The following PDE7B variants were observed in gnomAD, a reference collection of about 807,000 sequenced individuals.
PDE7B encodes phosphodiesterase 7B, also known as 3',5'-cyclic-AMP phosphodiesterase 7B.
A neutral mutation model predicts 56.2 loss-of-function variants in PDE7B; 29 were observed. That is an observed-to-expected ratio of 0.52 (90% confidence interval 0.38 to 0.70). The LOEUF is 0.70. Ranked by LOEUF, PDE7B falls within the 30% of genes least tolerant of loss-of-function variation. The probability of loss-of-function intolerance (pLI) is 0.00; values close to 1 mark genes in which losing one functional copy is unlikely to be tolerated. For missense variants in PDE7B, 490 were observed against 565.0 expected (o/e 0.87, Z 1.35); for synonymous variants, 197 against 196.9 (o/e 1.00, Z 0.00).
In PDE7B at chr6:136,194,156, A is replaced by G. The variant is rs1459921345; in HGVS notation, c.*2316A>G. On this transcript the variant is annotated 3_prime_UTR_variant, in exon 13 of 13. Coordinates refer to ENST00000308191, the MANE Select transcript of PDE7B (RefSeq NM_018945.4). Reference sequence around the variant, plus strand: ...TTTGAACAGTCTATTTTTAATGTATATGAGGTCAAATCAAGGAAGGCAATT... The same window carrying G: ...TTTGAACAGTCTATTTTTAATGTATGTGAGGTCAAATCAAGGAAGGCAATT... 1.3e-5 allele frequency: 2 copies of G among 152,148 alleles called. No homozygotes were observed. The highest frequency in any genetic ancestry group is 2.9e-5 in the Non-Finnish European group (2 of 68,030). The allele number at this position is 152,148 out of a possible 1,614,324, so 9.4% of individuals were successfully genotyped here. A position where few individuals can be genotyped will look rare whatever the true frequency, so the allele number is the denominator to read the frequency against.
chr6:135,955,382 C>T (rs1366806484), intron 2 of PDE7B, among the ~76,000 whole-genome samples: 1 of 152,046 alleles, frequency 6.6e-6, no homozygotes, highest in East Asian at 1.9e-4. Context: ...CTGGAGCTTG[C>T]ACTGAGGACA....
intron 2 of PDE7B, among the ~76,000 whole-genome samples, chr6:136,000,750 G>T (rs546268250): frequency 1.3e-5 from 2 of 152,312 alleles, no homozygotes; most frequent in Admixed American, 1.3e-4. Flanking sequence ...TGCCTCTGTA[G>T]GCTCCACCTC....
At chr6:135,852,467 T>C (rs1436555968) in intron 1 of PDE7B, among the ~76,000 whole-genome samples, 1 of 152,156 alleles carries the variant, frequency 6.6e-6, no homozygotes, top group Non-Finnish European at 1.5e-5. Flanking sequence ...TTCTTGAGTT[T>C]TTCATGTTGG....
intron 2 of PDE7B, among the ~76,000 whole-genome samples, chr6:136,052,090 T>C (rs780816645): frequency 6.6e-6 from 1 of 151,442 alleles, no homozygotes; most frequent in African/African-American, 2.4e-5. Context: ...TTGCACAATA[T>C]CTACCTATTT....
At chr6:135,892,174 A>G (rs73556536) in intron 1 of PDE7B, among the ~76,000 whole-genome samples, 263 of 152,286 alleles carry the variant, frequency 1.7e-3, no homozygotes, top group African/African-American at 5.2e-3. Flanking sequence ...ATTTGTAGAA[A>G]TAAGTCTCAT....
chr6:135,972,890 T>C (rs1775117895), intron 2 of PDE7B, among the ~76,000 whole-genome samples: 1 of 152,172 alleles, frequency 6.6e-6, no homozygotes. Context: ...AAAACAATCT[T>C]TCACCCCCAC....
At chr6:136,001,243 A>C (rs1775663555) in intron 2 of PDE7B, among the ~76,000 whole-genome samples, 1 of 152,182 alleles carries the variant, frequency 6.6e-6, no homozygotes, top group Non-Finnish European at 1.5e-5. Flanking sequence ...AACCACAAAG[A>C]TGGGGAGAAA....
Position 136,155,614 on chromosome 6 carries a change from GTTT to G in PDE7B, c.580-8_580-6del. On this transcript the variant is annotated splice_polypyrimidine_tract_variant and intron_variant, in intron 7 of 12. Coordinates refer to ENST00000308191, the MANE Select transcript of PDE7B (RefSeq NM_018945.4). ...AATACACCAATCAATCTCCCAATTTGTTTTTTTAACAGCTTGCCAGCTTCCTCA... is the reference window on the plus strand; with the variant it reads ...AATACACCAATCAATCTCCCAATTTGTTTTAACAGCTTGCCAGCTTCCTCA... The G allele has an allele frequency of 6.3e-7, 1 of 1,596,850 alleles. No homozygotes were observed. Among genetic ancestry groups the G allele is most frequent in the South Asian group, 1.1e-5 (1 of 89,268 alleles).
intron 1 of PDE7B, among the ~76,000 whole-genome samples, chr6:135,893,064 G>A (rs894909614): frequency 2.0e-5 from 3 of 152,036 alleles, no homozygotes; most frequent in African/African-American, 4.8e-5. Flanking sequence ...TATAGGGATA[G>A]GAGCCTCTTT....
chr6:136,038,426 A>G, intron 2 of PDE7B: 2 of 1,290,590 alleles, frequency 1.5e-6, no homozygotes, highest in South Asian at 2.5e-5. Context: ...CTTGCCAGAG[A>G]TGATCAGGAT....
chr6:136,074,396 CTA>C (rs1299628509), intron 2 of PDE7B, among the ~76,000 whole-genome samples: 1 of 152,112 alleles, frequency 6.6e-6, no homozygotes, highest in Non-Finnish European at 1.5e-5. Flanking sequence ...AATGGGATAT[CTA>C]TCACATCAAG....
intron 2 of PDE7B, among the ~76,000 whole-genome samples, chr6:136,018,348 G>A (rs1776013811): frequency 6.6e-6 from 1 of 152,184 alleles, no homozygotes; most frequent in Non-Finnish European, 1.5e-5. Flanking sequence ...CTGAAAGACA[G>A]ACTGATTTTC....
chr6:136,038,022 A>G, intron 2 of PDE7B: 1 of 1,313,864 alleles, frequency 7.6e-7, no homozygotes, highest in Non-Finnish European at 1.0e-6. Flanking sequence ...GTTTCTCACC[A>G]GAGAGAAACC....
At chr6:136,048,377 AGAG>A (rs1388231185) in intron 2 of PDE7B, among the ~76,000 whole-genome samples, 7 of 152,072 alleles carry the variant, frequency 4.6e-5, no homozygotes, top group African/African-American at 1.7e-4. Flanking sequence ...TACAAAAATT[AGAG>A]GCGTGGTGGT....
chr6:135,968,571 A>G, intron 2 of PDE7B, among the ~76,000 whole-genome samples: 1 of 152,348 alleles, frequency 6.6e-6, no homozygotes, highest in East Asian at 1.9e-4. Flanking sequence ...TCATTATAGT[A>G]ATGCAAATCA....
At chr6:135,859,723 C>T (rs1775108915) in intron 1 of PDE7B, among the ~76,000 whole-genome samples, 1 of 151,516 alleles carries the variant, frequency 6.6e-6, no homozygotes, top group Non-Finnish European at 1.5e-5. Context: ...CATGTAAGAG[C>T]TTTGTATGTA....
intron 3 of PDE7B, chr6:136,114,708 C>G (rs1777802509): frequency 6.6e-6 from 1 of 152,260 alleles, no homozygotes; most frequent in African/African-American, 2.4e-5. Context: ...CCACCCCCAG[C>G]CCTGTGTTCC....
intron 2 of PDE7B, among the ~76,000 whole-genome samples, chr6:136,038,960 A>G (rs1776372939): frequency 6.6e-6 from 1 of 152,158 alleles, no homozygotes; most frequent in Non-Finnish European, 1.5e-5. Context: ...ACATTTTCCA[A>G]TTTTTAACTA....
intron 1 of PDE7B, among the ~76,000 whole-genome samples, chr6:135,876,484 T>C (rs1246725783): frequency 6.6e-6 from 1 of 152,242 alleles, no homozygotes; most frequent in African/African-American, 2.4e-5. Flanking sequence ...TGGTGAAATT[T>C]CAGCCATGCT....
Sources: gnomAD v4.1 joint callset for allele counts (sites outside exome capture counted in the v4.1 genomes callset) on GRCh38, gnomAD v4.1.1 for gene constraint, MANE v1.5 for transcripts, NCBI Gene and HGNC (gene_info 2026-07-23, HGNC 2026-07-21) for gene names.